The following ZBTB46 variants were observed in gnomAD, a reference collection of about 807,000 sequenced individuals.
The protein encoded by ZBTB46 is zinc finger and BTB domain containing 46.
A neutral mutation model predicts 44.1 loss-of-function variants in ZBTB46; 8 were observed. The observed-to-expected ratio is 0.18, with a 90% CI of 0.11 to 0.33. ZBTB46 has a LOEUF of 0.33. ZBTB46 is among the 10% of genes least tolerant of loss of function. The pLI is 1.00. For synonymous variants in ZBTB46, 409 were observed against 382.3 expected (o/e 1.07, Z -0.81); for missense variants, 651 against 847.7 (o/e 0.77, Z 2.88).
intron 3 of ZBTB46, chr20:63,768,150 A>G (rs1043727001): frequency 4.1e-6 from 4 of 985,100 alleles, no homozygotes; most frequent in African/African-American, 1.7e-5. Context: ...AATTCTCAAT[A>G]AAGAGACACT....
At position 63,752,973 on chromosome 20, in the gene ZBTB46, C is replaced by G. The variant is rs772712463; in HGVS notation, c.1223-112G>C. ...AGCAGCCAGGACGGGCTGTCTCCCA[C>G]GGCCACCCACTGGGGGCTGGTCAGC... On this transcript the variant is annotated intron_variant, in intron 3 of 4. Transcript: ENST00000245663. This position sits in a 1 kb window ranked among gnomAD's most constrained non-coding sequence, Gnocchi z 5.6. The G allele has an allele frequency of 2.4e-5, 29 of 1,204,476 alleles. No individual in the cohort carries two copies. The highest frequency in any genetic ancestry group is 2.9e-5 in the Non-Finnish European group (26 of 881,552). The allele number at this position is 1,204,476 out of a possible 1,614,324, so 74.6% of individuals were successfully genotyped here. A position where few individuals can be genotyped will look rare whatever the true frequency, so the allele number is the denominator to read the frequency against.
At position 63,752,261 on chromosome 20, in the gene ZBTB46, C is replaced by T. The variant is rs1302608940; in HGVS notation, c.1398+425G>A. Among the ~76,000 whole-genome samples the T allele has an allele frequency of 6.6e-6, 1 of 152,154 alleles. No homozygotes were observed. The highest frequency in any genetic ancestry group is 1.5e-5 in the Non-Finnish European group (1 of 68,024). Reference sequence around the variant, plus strand: ...AAATCCATCCACTCCACACCTGCTACCTGACAACGACCTGCCAGTGCTGAG... The same window carrying T: ...AAATCCATCCACTCCACACCTGCTATCTGACAACGACCTGCCAGTGCTGAG... On this transcript the variant is annotated intron_variant, in intron 4 of 4. Transcript: ENST00000245663. The surrounding 1 kb of genome is among the most constrained non-coding windows in gnomAD (Gnocchi z 5.6).
upstream of ZBTB46, among the ~76,000 whole-genome samples, chr20:63,832,192 G>C (rs2092855620): frequency 6.6e-6 from 1 of 152,122 alleles, no homozygotes; most frequent in African/African-American, 2.4e-5. This position sits in a 1 kb window ranked among gnomAD's most constrained non-coding sequence, Gnocchi z 5.0. Context: ...TCCACCACTC[G>C]GCGCCCGGAC....
intron 1 of ZBTB46, among the ~76,000 whole-genome samples, chr20:63,807,699 G>A (rs2092690180): frequency 1.3e-5 from 2 of 152,246 alleles, no homozygotes; most frequent in African/African-American, 4.8e-5. Flanking sequence ...CAAGCAATAT[G>A]ATAGAATCCC....
At chr20:63,755,193 C>T (rs1200340833) in intron 3 of ZBTB46, among the ~76,000 whole-genome samples, 2 of 152,234 alleles carry the variant, frequency 1.3e-5, no homozygotes, top group South Asian at 2.1e-4. Flanking sequence ...GCCTGCGATG[C>T]ACTTCGGCTT....
intron 2 of ZBTB46, among the ~76,000 whole-genome samples, chr20:63,784,103 A>G (rs2092492820): frequency 6.6e-6 from 1 of 152,138 alleles, no homozygotes. Context: ...TCGTGGAGAG[A>G]AAGAGGGAAC....
chr20:63,783,898 A>G (rs529315490), intron 2 of ZBTB46, among the ~76,000 whole-genome samples: 1 of 152,320 alleles, frequency 6.6e-6, no homozygotes, highest in South Asian at 2.1e-4. Flanking sequence ...CAGGCTGTGA[A>G]AGGTGTTCAG....
At position 63,822,780 on chromosome 20, in the gene ZBTB46, G is replaced by A. The variant is rs13037835; in HGVS notation, c.-34+8317C>T. Among the ~76,000 whole-genome samples, 428 of 152,288 alleles carry A rather than the reference G, an allele frequency of 2.8e-3. 1 individual carries two copies. Among genetic ancestry groups the A allele is most frequent in the Non-Finnish European group, 5.2e-3 (356 of 68,022 alleles). ...TGTCGTCCCAGCACTTTGGGAGGCT[G>A]AGGCAGGATGAATGCTTGAGCCCAG... On this transcript the variant is annotated intron_variant, in intron 1 of 4. Coordinates refer to ENST00000245663, the MANE Select transcript of ZBTB46 (RefSeq NM_001369741.1).
At chr20:63,814,623 C>T (rs1470529480) in intron 1 of ZBTB46, among the ~76,000 whole-genome samples, 2 of 152,048 alleles carry the variant, frequency 1.3e-5, no homozygotes, top group Non-Finnish European at 2.9e-5. Context: ...GGGTTGACCT[C>T]CCAGAGGAGT....
At chr20:63,769,794 A>G (rs1055683333) in intron 3 of ZBTB46, among the ~76,000 whole-genome samples, 16 of 152,222 alleles carry the variant, frequency 1.1e-4, no homozygotes, top group African/African-American at 3.9e-4. Flanking sequence ...CTCGATCCAG[A>G]ATCAAGTTAA....
chr20:63,792,343 T>TA (rs1000972254), intron 1 of ZBTB46, among the ~76,000 whole-genome samples: 1 of 152,154 alleles, frequency 6.6e-6, no homozygotes, highest in African/African-American at 2.4e-5. Context: ...TAAATGTGTT[T>TA]AATAGGAGAA....
At chr20:63,786,058 G>T (rs1049075803) in intron 2 of ZBTB46, among the ~76,000 whole-genome samples, 1 of 152,180 alleles carries the variant, frequency 6.6e-6, no homozygotes, top group African/African-American at 2.4e-5. Context: ...AGCGAGTTAC[G>T]TGCACGCACA....
Position 63,795,560 on chromosome 20 carries a change from C to T in ZBTB46, c.-33-4770G>A, listed in dbSNP as rs542341534. On this transcript the variant is annotated intron_variant, in intron 1 of 4. Coordinates refer to ENST00000245663, the MANE Select transcript of ZBTB46 (RefSeq NM_001369741.1). ...AGGGAGAGGTGGTCTCCACAGTGCA[C>T]GCTAACGAACTGAGGGCCTCAAAAC... is the stretch of plus-strand genomic sequence containing the variant. 5.3e-5 allele frequency among the ~76,000 whole-genome samples: 8 copies of T among 152,236 alleles called. No homozygotes were observed. The South Asian group carries it at 6.2e-4, about 12-fold the overall frequency.
intron 1 of ZBTB46, among the ~76,000 whole-genome samples, chr20:63,802,292 G>A (rs940961105): frequency 1.3e-5 from 2 of 151,902 alleles, no homozygotes; most frequent in African/African-American, 4.8e-5. Context: ...GTGTGGTGGC[G>A]CACGTCTGTA....
intron 1 of ZBTB46, among the ~76,000 whole-genome samples, chr20:63,809,569 G>A (rs772454652): frequency 6.6e-6 from 1 of 152,210 alleles, no homozygotes; most frequent in Non-Finnish European, 1.5e-5. Context: ...TCTCCCTTAC[G>A]AAGTTAGCCG....
chr20:63,779,789 A>G (rs969792601), intron 2 of ZBTB46, among the ~76,000 whole-genome samples: 1 of 151,620 alleles, frequency 6.6e-6, no homozygotes, highest in Non-Finnish European at 1.5e-5. Flanking sequence ...CAAACTCCCA[A>G]CCTCAGGTGA....
chr20:63,778,733 ACT>A (rs2092444977), intron 2 of ZBTB46, among the ~76,000 whole-genome samples: 2 of 151,698 alleles, frequency 1.3e-5, no homozygotes, highest in South Asian at 4.2e-4. Flanking sequence ...TCCAAACTAT[ACT>A]CCTTTTTATA....
chr20:63,779,273 T>C (rs972669198), intron 2 of ZBTB46, among the ~76,000 whole-genome samples: 1 of 152,060 alleles, frequency 6.6e-6, no homozygotes, highest in Admixed American at 6.6e-5. Context: ...GGAGTTTCGC[T>C]CTTGTTGCCC....
At chr20:63,818,171 T>C (rs1455683778) in intron 1 of ZBTB46, among the ~76,000 whole-genome samples, 1 of 152,184 alleles carries the variant, frequency 6.6e-6, no homozygotes, top group Non-Finnish European at 1.5e-5. Context: ...GGGCCCTTTG[T>C]AGAGCTGGAC....
Sources: gnomAD v4.1 joint callset for allele counts (sites outside exome capture counted in the v4.1 genomes callset) on GRCh38, gnomAD v4.1.1 for gene constraint, Gnocchi (gnomAD v3.1) non-coding constraint, MANE v1.5 for transcripts, NCBI Gene and HGNC (gene_info 2026-07-23, HGNC 2026-07-21) for gene names.